Variants in MYO7A observed in about 807,000 individuals in gnomAD.
MYO7A encodes myosin VIIA, also known as unconventional myosin-VIIa.
In MYO7A, 210 loss-of-function variants were observed where a neutral mutation model predicts 263.8. The observed-to-expected ratio is 0.80, with a 90% CI of 0.71 to 0.89. The LOEUF is 0.89. MYO7A is among the 40% of genes least tolerant of loss of function. MYO7A has a pLI of 0.00. For missense variants in MYO7A, 2,820 were observed against 2,968.3 expected (o/e 0.95, Z 1.16); for synonymous variants, 1,239 against 1,197.3 (o/e 1.03, Z -0.72).
At chr11:77,214,108 G>T (rs1486663668) in intron 48 of MYO7A, 129 bp downstream of exon 48, 4 of 1,317,148 alleles carry the variant, frequency 3.0e-6, no homozygotes, top group African/African-American at 2.9e-5. Flanking sequence ...GTCATGCTGG[G>T]GCCAAGGTCA....
chr11:77,183,947 C>T (rs1350128008), intron 26 of MYO7A, among the ~76,000 whole-genome samples: 1 of 152,300 alleles, frequency 6.6e-6, no homozygotes, highest in East Asian at 1.9e-4. Flanking sequence ...AAAATGCCCA[C>T]TCCGTGGGGT....
Position 77,212,969 on chromosome 11 carries a change from C to T in MYO7A, c.6372C>T (p.Asn2124=), listed in dbSNP as rs374479014. Reference sequence around the variant, plus strand: ...TTTTCTAGCAAACTACGGAGCCAAACTTCCCTGAGATCCTCCTAATTGCCA... The same window carrying T: ...TTTTCTAGCAAACTACGGAGCCAAATTTCCCTGAGATCCTCCTAATTGCCA... ...FFEVKQTTEP[N]FPEILLIAIN... is the part of the protein sequence containing the mutation. The change falls in exon 47 of 49, where the codon AAC becomes AAT. Residue 2124 remains asparagine, a synonymous_variant. Coordinates refer to ENST00000409709, the MANE Select transcript of MYO7A (RefSeq NM_000260.4). 5 of 1,595,646 alleles carry T rather than the reference C, an allele frequency of 3.1e-6. No homozygotes were observed. In the African/African-American group the frequency reaches 5.4e-5, roughly 17 times the overall value.
In MYO7A at chr11:77,130,664, C is replaced by A. The variant is rs1470010560; in HGVS notation, c.18+12C>A. On this transcript the variant is annotated intron_variant, in intron 2 of 48. Transcript: ENST00000409709. ...TGATTCTTCAGCAGGTCAGTGTTCC[C>A]ACCTCTTTGGGTGGCCTGTCCTCCC... The A allele has an allele frequency of 6.2e-7, 1 of 1,612,852 alleles. No individual in the cohort carries two copies. Among genetic ancestry groups the A allele is most frequent in the African/African-American group, 1.3e-5 (1 of 74,926 alleles).
intron 33 of MYO7A, among the ~76,000 whole-genome samples, chr11:77,197,978 C>G (rs1388691644): frequency 6.6e-6 from 1 of 152,238 alleles, no homozygotes; most frequent in Admixed American, 6.5e-5. Flanking sequence ...AGGATTGATT[C>G]ATTAAGGCAC....
At position 77,142,798 on chromosome 11, in the gene MYO7A, C is replaced by T; in HGVS notation, c.108C>T (p.Val36=). 6.2e-7 allele frequency: 1 copy of T among 1,609,464 alleles called. No homozygotes were observed. Among genetic ancestry groups the T allele is most frequent in the Non-Finnish European group, 8.5e-7 (1 of 1,178,134 alleles). Residue 36 remains valine (V), a synonymous_variant, in exon 3 of 49, where the codon GTC becomes GTT. Transcript: ENST00000409709. The part of the protein sequence containing the change: ...AVVKLCDSGQ[V]QVVDDEDNEH... ...TGAAGCTCTGCGACTCTGGGCAGGT[C>T]CAGGTGGTGGATGATGAAGACAATG...
chr11:77,179,365 G>A (rs192246542), intron 20 of MYO7A, among the ~76,000 whole-genome samples: 1 of 152,346 alleles, frequency 6.6e-6, no homozygotes, highest in East Asian at 1.9e-4. Context: ...TTTGGGGGTT[G>A]GGAGCACTCT....
rs369189548 is a variant in MYO7A, at chr11:77,194,393, G to A, written c.4192G>A (p.Val1398Ile). 6.2e-7 allele frequency: 1 copy of A among 1,612,880 alleles called. No homozygotes were observed. Among genetic ancestry groups the A allele is most frequent in the Non-Finnish European group, 8.5e-7 (1 of 1,179,440 alleles). Residue 1398 changes from valine to isoleucine, a missense_variant, in exon 32 of 49, where the codon GTA becomes ATA. Coordinates refer to ENST00000409709, the MANE Select transcript of MYO7A (RefSeq NM_000260.4). ...LAELASQQYF[V>I]DYGSEMILER... ...TGAGCTGGCCTCCCAGCAGTACTTT[G>A]TAGACTATGGCTCTGAGATGATCCT...
intron 2 of MYO7A, among the ~76,000 whole-genome samples, chr11:77,140,297 G>A (rs78162570): frequency 2.6e-5 from 4 of 152,148 alleles, no homozygotes; most frequent in African/African-American, 4.8e-5. Flanking sequence ...CCATCTGGGC[G>A]GGGGAGGACT....
At chr11:77,203,993 C>G (rs1364563225) in intron 38 of MYO7A, 83 bp from the exon 39 acceptor site, 7 of 1,416,132 alleles carry the variant, frequency 4.9e-6, no homozygotes, top group Non-Finnish European at 9.6e-7. Context: ...TCAGGTGATG[C>G]AGGCCCTGTG....
At chr11:77,173,728 G>A (rs191067804) in intron 16 of MYO7A, among the ~76,000 whole-genome samples, 1 of 152,240 alleles carries the variant, frequency 6.6e-6, no homozygotes, top group Admixed American at 6.5e-5. Context: ...ACAGTCTCCG[G>A]AAGCTGACAG....
intron 32 of MYO7A, 108 bp from the exon 33 acceptor site, chr11:77,197,373 G>A (rs1034476120): frequency 3.1e-5 from 24 of 770,226 alleles, no homozygotes; most frequent in African/African-American, 2.6e-4. Flanking sequence ...ATGCACAGGA[G>A]GTGCAGGAGC....
intron 2 of MYO7A, among the ~76,000 whole-genome samples, chr11:77,134,059 A>C (rs1555046751): frequency 6.6e-6 from 1 of 151,728 alleles, no homozygotes; most frequent in African/African-American, 2.4e-5. Flanking sequence ...CCTCCCAAGT[A>C]GCTGGGATTA....
In MYO7A at chr11:77,202,969, G is replaced by C. The variant is rs1257011698; in HGVS notation, c.5169-91G>C. ...CCCACTCTCAGCCTCTGGACACAGG[G>C]ATGGGTGGGGGTGGGGGTCTCACAA... is the stretch of plus-strand genomic sequence containing the variant. On this transcript the variant is annotated intron_variant, in intron 37 of 48. Transcript: ENST00000409709. 7 of 1,462,810 alleles carry C rather than the reference G, an allele frequency of 4.8e-6. No homozygotes were observed. In the African/African-American group the frequency reaches 8.4e-5, roughly 18 times the overall value. 90.6% of individuals were successfully genotyped at this position (1,462,810 alleles called of 1,614,324 possible). A position where few individuals can be genotyped will look rare whatever the true frequency, so the allele number is the denominator to read the frequency against.
intron 34 of MYO7A, 148 bp downstream of exon 34, chr11:77,198,769 T>C: frequency 8.1e-7 from 1 of 1,230,274 alleles, no homozygotes; most frequent in South Asian, 1.5e-5. Context: ...TGCAGACCCC[T>C]CTGGCACCTC....
chr11:77,199,093 C>G (rs1956886011), intron 34 of MYO7A, among the ~76,000 whole-genome samples: 1 of 152,200 alleles, frequency 6.6e-6, no homozygotes, highest in Non-Finnish European at 1.5e-5. Context: ...AGTGCAGTGG[C>G]TCCCTCCTCC....
intron 17 of MYO7A, 58 bp from the exon 18 acceptor site, chr11:77,175,314 G>T: frequency 6.6e-7 from 1 of 1,518,492 alleles, no homozygotes; most frequent in East Asian, 2.3e-5. Flanking sequence ...GGGACACTCC[G>T]GAGGCCTTCC....
chr11:77,203,551 A>C (rs1957224887), intron 38 of MYO7A, among the ~76,000 whole-genome samples: 1 of 152,138 alleles, frequency 6.6e-6, no homozygotes, highest in African/African-American at 2.4e-5. Flanking sequence ...GACCTGACCC[A>C]TGTGACCTGG....
chr11:77,206,309 C>A, intron 41 of MYO7A, 107 bp downstream of exon 41: 1 of 807,194 alleles, frequency 1.2e-6, no homozygotes, highest in Non-Finnish European at 1.9e-6. Flanking sequence ...TGACATTTGC[C>A]GCCTCGTCCT....
chr11:77,192,120 G>A lies in MYO7A; in HGVS notation c.3994G>A (p.Glu1332Lys). The change falls in exon 31 of 49, where the codon GAG becomes AAG. Residue 1332 changes from glutamate (E) to lysine (K), a missense_variant. Glu to Lys is a moderately conservative substitution (Grantham distance 56, BLOSUM62 1). Coordinates refer to ENST00000409709, the MANE Select transcript of MYO7A (RefSeq NM_000260.4). ...CTCCCAGTGCGAGCAGTACGCCAAG[G>A]AGCAGGGCGCCCAGGAGCGCAACGC... Reference protein sequence around the residue: ...AISQCEQYAKEQGAQERNAPW... With the variant: ...AISQCEQYAKKQGAQERNAPW... 1 of 1,613,918 alleles carries A rather than the reference G, an allele frequency of 6.2e-7. No homozygotes were observed. The highest frequency in any genetic ancestry group is 2.2e-5 in the East Asian group (1 of 44,880).
Sources: gnomAD v4.1 joint callset for allele counts (sites outside exome capture counted in the v4.1 genomes callset) on GRCh38, gnomAD v4.1.1 for gene constraint, MANE v1.5 for transcripts, NCBI Gene and HGNC (gene_info 2026-07-23, HGNC 2026-07-21) for gene names.